The following ZC2HC1A variants were observed in gnomAD, a reference collection of about 807,000 sequenced individuals.
The protein encoded by ZC2HC1A is zinc finger C2HC-type containing 1A.
In ZC2HC1A, 28 loss-of-function variants were observed where a neutral mutation model predicts 40.7. That is an observed-to-expected ratio of 0.69 (90% CI 0.51 to 0.94). ZC2HC1A has a LOEUF of 0.94. ZC2HC1A is among the 40% of genes least tolerant of loss of function. The pLI is 0.00. For synonymous variants in ZC2HC1A, 129 were observed against 129.2 expected (o/e 1.00, Z 0.01); for missense variants, 389 against 386.3 (o/e 1.01, Z -0.06).
Position 78,675,807 on chromosome 8 carries a change from G to T in ZC2HC1A, c.37G>T (p.Val13Phe). 6.2e-7 allele frequency: 1 copy of T among 1,609,562 alleles called. No homozygotes were observed. Among genetic ancestry groups the T allele is most frequent in the Non-Finnish European group, 8.5e-7 (1 of 1,177,338 alleles). Residue 13 changes from valine to phenylalanine, a missense_variant, in exon 2 of 9, where the codon GTT becomes TTT. Transcript: ENST00000263849. ...TTTAGAGAATGGAGGTGTTGTCCAAGTTGGAGAATTGTTACCTTGCAAGAT... is the reference window on the plus strand; with the variant it reads ...TTTAGAGAATGGAGGTGTTGTCCAATTTGGAGAATTGTTACCTTGCAAGAT... ...GLEENGGVVQ[V>F]GELLPCKICG...
chr8:78,703,866 G>A (rs1810685395), intron 7 of ZC2HC1A, among the ~76,000 whole-genome samples: 1 of 152,118 alleles, frequency 6.6e-6, no homozygotes, highest in African/African-American at 2.4e-5. Flanking sequence ...GTAACTAACA[G>A]TTTTACAGTA....
intron 3 of ZC2HC1A, among the ~76,000 whole-genome samples, chr8:78,682,000 C>T (rs981596588): frequency 2.6e-5 from 4 of 151,368 alleles, no homozygotes; most frequent in African/African-American, 9.7e-5. Context: ...ACTTTCACCT[C>T]CCAAAATGTG....
chr8:78,680,870 G>C (rs180689481), intron 3 of ZC2HC1A, among the ~76,000 whole-genome samples: 1 of 152,134 alleles, frequency 6.6e-6, no homozygotes, highest in Non-Finnish European at 1.5e-5. Context: ...TTTAGTATAG[G>C]CAAGACAGAA....
intron 7 of ZC2HC1A, among the ~76,000 whole-genome samples, chr8:78,708,874 TA>T (rs1364133267): frequency 1.3e-5 from 2 of 152,038 alleles, no homozygotes; most frequent in African/African-American, 4.8e-5. Flanking sequence ...TTCACCATGT[TA>T]GGCTGGTCTC....
chr8:78,693,625 G>A (rs1248133461), intron 5 of ZC2HC1A, among the ~76,000 whole-genome samples: 2 of 152,098 alleles, frequency 1.3e-5, no homozygotes, highest in South Asian at 2.1e-4. Context: ...GTAGATTCTG[G>A]ATATTAGCCC....
chr8:78,671,040 A>G (rs1017880569), intron 1 of ZC2HC1A, among the ~76,000 whole-genome samples: 1 of 152,226 alleles, frequency 6.6e-6, no homozygotes, highest in East Asian at 1.9e-4. Context: ...GTGATAGAAT[A>G]TAAGACTTAC....
chr8:78,672,218 AT>A (rs905475815), intron 1 of ZC2HC1A, among the ~76,000 whole-genome samples: 5 of 152,060 alleles, frequency 3.3e-5, no homozygotes, highest in Non-Finnish European at 1.5e-5. Flanking sequence ...TTCTATTAAT[AT>A]TTTTTTAAAA....
chr8:78,686,545 C>T lies in ZC2HC1A; in HGVS notation c.289C>T (p.Leu97Phe), dbSNP rs1809980794. The T allele has an allele frequency of 6.5e-7, 1 of 1,545,868 alleles. No individual in the cohort carries two copies. Among genetic ancestry groups the T allele is most frequent in the Non-Finnish European group, 8.7e-7 (1 of 1,145,104 alleles). Reference protein sequence around the residue: ...FIATIRAAKGLDQALKEGGKL... With the variant: ...FIATIRAAKGFDQALKEGGKL... ...TGCTACCATAAGAGCAGCTAAAGGC[C>T]TTGATCAGGCCCTCAAAGAGGGTGG... Residue 97 changes from leucine (L) to phenylalanine (F), a missense_variant, in exon 4 of 9, where the codon CTT (leucine) becomes TTT (phenylalanine). Leu to Phe is a conservative substitution (Grantham distance 22, BLOSUM62 0). Transcript: ENST00000263849.
Position 78,678,692 on chromosome 8 carries a change from C to T in ZC2HC1A, c.210+13C>T. 1 of 1,570,322 alleles carries T rather than the reference C, an allele frequency of 6.4e-7. No individual in the cohort carries two copies. Among genetic ancestry groups the T allele is most frequent in the Non-Finnish European group, 8.7e-7 (1 of 1,155,192 alleles). ...TCTCAAACCGAGGGTAACTATATAA[C>T]CTTTTGAACAGTATGAACTTTGGTG... On this transcript the variant is annotated intron_variant, in intron 3 of 8. Transcript: ENST00000263849.
At chr8:78,710,331 A>G (rs1318007838) in intron 7 of ZC2HC1A, among the ~76,000 whole-genome samples, 1 of 152,184 alleles carries the variant, frequency 6.6e-6, no homozygotes, top group African/African-American at 2.4e-5. Flanking sequence ...GAATGTTATA[A>G]TACAAGTATG....
chr8:78,700,890 T>G (rs1318998017), intron 7 of ZC2HC1A, among the ~76,000 whole-genome samples: 1 of 152,248 alleles, frequency 6.6e-6, no homozygotes, highest in African/African-American at 2.4e-5. Context: ...TTTTGATTAC[T>G]GTAGCCCTGT....
chr8:78,679,370 G>A (rs1809689240), intron 3 of ZC2HC1A: 1 of 152,144 alleles, frequency 6.6e-6, no homozygotes, highest in Admixed American at 6.6e-5. Context: ...TTATGGCATA[G>A]TATTTGCATA....
chr8:78,670,051 T>G (rs1245207920), intron 1 of ZC2HC1A, among the ~76,000 whole-genome samples: 3 of 145,758 alleles, frequency 2.1e-5, no homozygotes, highest in Non-Finnish European at 4.5e-5. Context: ...CACCACAACC[T>G]CCGCCTTCTG....
intron 5 of ZC2HC1A, among the ~76,000 whole-genome samples, chr8:78,694,620 G>T (rs950588854): frequency 1.3e-5 from 2 of 152,070 alleles, no homozygotes; most frequent in African/African-American, 4.8e-5. Context: ...CTTTTACAAT[G>T]ATTTTTTATT....
intron 3 of ZC2HC1A, chr8:78,679,367 A>T (rs943969626): frequency 6.6e-6 from 1 of 152,200 alleles, no homozygotes; most frequent in Non-Finnish European, 1.5e-5. Context: ...TCCTTATGGC[A>T]TAGTATTTGC....
intron 7 of ZC2HC1A, among the ~76,000 whole-genome samples, chr8:78,710,509 G>C (rs577615323): frequency 2.0e-5 from 3 of 151,854 alleles, no homozygotes; most frequent in Admixed American, 2.0e-4. Flanking sequence ...TGTAGGATTT[G>C]ACCATTTCTT....
chr8:78,705,539 C>T (rs563296767), intron 7 of ZC2HC1A, among the ~76,000 whole-genome samples: 1 of 152,192 alleles, frequency 6.6e-6, no homozygotes, highest in African/African-American at 2.4e-5. Context: ...GGAGGCTCCA[C>T]CTGGTGATGA....
chr8:78,666,123 C>T lies in ZC2HC1A; in HGVS notation c.-26C>T, dbSNP rs1437512920. On this transcript the variant is annotated 5_prime_UTR_variant, in exon 1 of 9. Transcript: ENST00000263849. Reference sequence around the variant, plus strand: ...CGGTGGCGGGCGCTGCTGAAGGAGTCTCGCTGAGCTCGAGGAGGTGGCGCG... The same window carrying T: ...CGGTGGCGGGCGCTGCTGAAGGAGTTTCGCTGAGCTCGAGGAGGTGGCGCG... The T allele has an allele frequency of 3.8e-6, 6 of 1,563,726 alleles. No individual in the cohort carries two copies. Among genetic ancestry groups the T allele is most frequent in the South Asian group, 2.4e-5 (2 of 84,890 alleles).
chr8:78,686,327 T>C, intron 3 of ZC2HC1A, 140 bp from the exon 4 acceptor site: 1 of 732,496 alleles, frequency 1.4e-6, no homozygotes, highest in Non-Finnish European at 1.9e-6. Context: ...TTTAAAATTA[T>C]AAATTTGAGA....
Sources: allele counts gnomAD v4.1 joint callset (sites outside exome capture counted in the v4.1 genomes callset), GRCh38; gene constraint gnomAD v4.1.1; transcripts MANE v1.5; gene names NCBI Gene and HGNC (gene_info 2026-07-23, HGNC 2026-07-21).